WDR64: variants seen among roughly 807,000 people sequenced by gnomAD.
WDR64 encodes the protein WD repeat domain 64.
In WDR64, 112 loss-of-function variants were observed where a neutral mutation model predicts 139.3. The ratio of observed to expected loss-of-function variants is 0.80; its 90% CI spans 0.69 to 0.94. WDR64 has a LOEUF of 0.94. Among genes scored for constraint, WDR64 ranks in the 40% least tolerant of loss-of-function variants. WDR64 has a pLI of 0.00. For missense variants in WDR64, 1,206 were observed against 1,293.1 expected, an observed-to-expected ratio of 0.93 and a Z score of 1.03; for synonymous variants, 444 against 437.7, an observed-to-expected ratio of 1.01 and a Z score of -0.18.
At chr1:241,747,288 G>A (rs2148256839) in intron 13 of WDR64, among the ~76,000 whole-genome samples, 1 of 152,250 alleles carries the variant, frequency 6.6e-6, no homozygotes, top group East Asian at 1.9e-4. Context: ...ACACACACGA[G>A]TGCACGTAAA....
At chr1:241,785,892 G>T (rs1659017719) in intron 23 of WDR64, among the ~76,000 whole-genome samples, 1 of 152,190 alleles carries the variant, frequency 6.6e-6, no homozygotes, top group Admixed American at 6.5e-5. Context: ...GGTAGCTAAG[G>T]TTCTGTATCT....
intron 10 of WDR64, among the ~76,000 whole-genome samples, chr1:241,729,962 T>C (rs897142672): frequency 2.6e-5 from 4 of 152,208 alleles, no homozygotes; most frequent in African/African-American, 9.6e-5. Context: ...CATTCCCTTT[T>C]GAGTAAACTG....
intron 1 of WDR64, among the ~76,000 whole-genome samples, chr1:241,654,538 ATC>A (rs1665498797): frequency 6.6e-6 from 1 of 152,156 alleles, no homozygotes; most frequent in Admixed American, 6.5e-5. Flanking sequence ...CTTTCATCAC[ATC>A]ATTCTTATTT....
Position 241,670,948 on chromosome 1 carries a change from C to T in WDR64, c.277-126C>T, listed in dbSNP as rs960750124. 11 of 631,304 alleles carry T rather than the reference C, an allele frequency of 1.7e-5. No individual in the cohort carries two copies. In the African/African-American group the frequency reaches 2.1e-4, roughly 12 times the overall value. 39.1% of individuals were successfully genotyped at this position (631,304 alleles called of 1,614,324 possible). ...TCTCCTGGTATAGGGAACCCCCTGA[C>T]ATTCACAAAGCAGGGTGCTGGCTGT... On this transcript the variant is annotated intron_variant, in intron 2 of 27. Coordinates refer to ENST00000437684, the MANE Select transcript of WDR64 (RefSeq NM_001367482.1).
chr1:241,802,026 A>C lies in WDR64; in HGVS notation c.*811A>C, dbSNP rs1659540934. On this transcript the variant is annotated 3_prime_UTR_variant, in exon 28 of 28. Coordinates refer to ENST00000437684, the MANE Select transcript of WDR64 (RefSeq NM_001367482.1). ...ATGAAAAAAGATGTATGATGCAAAA[A>C]CTAACCTAAAGAAAATCAATATAGC... The C allele has an allele frequency of 1.0e-5, 4 of 397,934 alleles. No homozygotes were observed. The highest frequency in any genetic ancestry group is 1.8e-5 in the Non-Finnish European group (4 of 225,744). 24.7% of individuals were successfully genotyped at this position (397,934 alleles called of 1,614,324 possible).
At chr1:241,773,665 A>G (rs895145730) in intron 20 of WDR64, among the ~76,000 whole-genome samples, 3 of 152,070 alleles carry the variant, frequency 2.0e-5, no homozygotes, top group Non-Finnish European at 2.9e-5. Context: ...ACGGGGTTTC[A>G]CCATGTTGGC....
chr1:241,784,325 C>T (rs530978381), intron 23 of WDR64, among the ~76,000 whole-genome samples: 4 of 152,094 alleles, frequency 2.6e-5, no homozygotes, highest in Non-Finnish European at 5.9e-5. Context: ...GCAAAGAGAC[C>T]GGTTTGAAGT....
intron 13 of WDR64, among the ~76,000 whole-genome samples, chr1:241,745,828 C>T (rs1669735285): frequency 6.6e-6 from 1 of 152,092 alleles, no homozygotes. Flanking sequence ...AAACCACAAG[C>T]CACTGGTCTC....
chr1:241,750,770 C>A (rs1159682363), intron 14 of WDR64, among the ~76,000 whole-genome samples: 2 of 152,168 alleles, frequency 1.3e-5, no homozygotes, highest in African/African-American at 4.8e-5. Flanking sequence ...TTGGTAGGAA[C>A]TGAAAACCTC....
At chr1:241,746,829 G>A (rs986874377) in intron 13 of WDR64, among the ~76,000 whole-genome samples, 2 of 150,564 alleles carry the variant, frequency 1.3e-5, no homozygotes, top group Non-Finnish European at 2.9e-5. Flanking sequence ...GCAGGGTCTC[G>A]GCTCACTGCA....
chr1:241,693,925 A>G (rs1354094848), intron 8 of WDR64, among the ~76,000 whole-genome samples: 1 of 152,136 alleles, frequency 6.6e-6, no homozygotes, highest in South Asian at 2.1e-4. Flanking sequence ...CAGCTTTTTA[A>G]TCTAAAAAAT....
intron 10 of WDR64, among the ~76,000 whole-genome samples, chr1:241,733,333 G>A (rs1208805550): frequency 6.6e-6 from 1 of 152,006 alleles, no homozygotes; most frequent in Non-Finnish European, 1.5e-5. Flanking sequence ...AAATTAGCTG[G>A]GTGTGGTGGC....
At position 241,790,707 on chromosome 1, in the gene WDR64, A is replaced by G. The variant is rs2148328262; in HGVS notation, c.2997+11A>G. 2.1e-6 allele frequency: 3 copies of G among 1,427,058 alleles called. No homozygotes were observed. In the South Asian group the frequency reaches 4.0e-5, roughly 19 times the overall value. 88.4% of individuals were successfully genotyped at this position (1,427,058 alleles called of 1,614,324 possible). A position where few individuals can be genotyped will look rare whatever the true frequency, so the allele number is the denominator to read the frequency against. On this transcript the variant is annotated intron_variant, in intron 25 of 27. Coordinates refer to ENST00000437684, the MANE Select transcript of WDR64 (RefSeq NM_001367482.1). ...CTTTCTTCTCCTAAGGTAGCTTAAA[A>G]AAAAAAAAAAAAAAGAAATGGCAAC...
In WDR64 at chr1:241,686,082, T is replaced by C. The variant is rs545067943; in HGVS notation, c.840-1379T>C. Among the ~76,000 whole-genome samples, 8 of 152,326 alleles carry C rather than the reference T, an allele frequency of 5.3e-5. 1 individual carries two copies. The highest frequency in any genetic ancestry group is 3.9e-4 in the Admixed American group (6 of 15,302). On this transcript the variant is annotated intron_variant, in intron 7 of 27. Coordinates refer to ENST00000437684, the MANE Select transcript of WDR64 (RefSeq NM_001367482.1). ...ATGTTGGTTCTTGTGGTTATTATAT[T>C]CATGTAGATGATTTAATCATGCAGA...
intron 27 of WDR64, among the ~76,000 whole-genome samples, chr1:241,797,955 A>G: frequency 6.6e-6 from 1 of 152,160 alleles, no homozygotes; most frequent in East Asian, 1.9e-4. Context: ...CTTTAAGTAA[A>G]TACTAAGTGA....
intron 21 of WDR64, among the ~76,000 whole-genome samples, chr1:241,775,783 G>A (rs1658636609): frequency 1.3e-5 from 2 of 152,046 alleles, no homozygotes; most frequent in African/African-American, 4.8e-5. Context: ...GCACATGCAT[G>A]TGTAAAAAGT....
chr1:241,788,649 AT>A, intron 24 of WDR64, among the ~76,000 whole-genome samples: 1 of 152,354 alleles, frequency 6.6e-6, no homozygotes, highest in African/African-American at 2.4e-5. Context: ...ACCCAATGTC[AT>A]TACCTAATTC....
At chr1:241,752,963 A>G (rs1184043854) in intron 14 of WDR64, among the ~76,000 whole-genome samples, 2 of 152,208 alleles carry the variant, frequency 1.3e-5, no homozygotes, top group African/African-American at 2.4e-5. Flanking sequence ...CTCTTGAGAT[A>G]TTGCTGAGAT....
Position 241,780,080 on chromosome 1 carries a change from C to G in WDR64, c.2595+18C>G. On this transcript the variant is annotated intron_variant, in intron 22 of 27. Transcript: ENST00000437684. The stretch of plus-strand genomic sequence containing the variant: ...ATGAAAAGGTAAGAACTTCAGTTTT[C>G]CACTTTAATTTATGAGTCAGCATAT... 1 of 1,581,808 alleles carries G rather than the reference C, an allele frequency of 6.3e-7. No homozygotes were observed. Among genetic ancestry groups the G allele is most frequent in the East Asian group, 2.3e-5 (1 of 43,228 alleles).
Sources: gnomAD v4.1 joint callset for allele counts (sites outside exome capture counted in the v4.1 genomes callset) on GRCh38, gnomAD v4.1.1 for gene constraint, MANE v1.5 for transcripts, NCBI Gene and HGNC (gene_info 2026-07-23, HGNC 2026-07-21) for gene names.